CTNNA3: variants seen among roughly 807,000 people sequenced by gnomAD.
CTNNA3 encodes catenin alpha 3, also known as catenin alpha-3.
A neutral mutation model predicts 95.7 loss-of-function variants in CTNNA3; 76 were observed. That is an observed-to-expected ratio of 0.79 (90% CI 0.66 to 0.96). CTNNA3 has a LOEUF of 0.96. Among genes scored for constraint, CTNNA3 ranks in the 40% least tolerant of loss-of-function variants. CTNNA3 has a pLI of 0.00. For synonymous variants in CTNNA3, 431 were observed against 374.4 expected, an observed-to-expected ratio of 1.15 and a Z score of -1.74; for missense variants, 1,191 against 1,089.8, an observed-to-expected ratio of 1.09 and a Z score of -1.31.
chr10:66,644,749 T>C (rs1459083741), intron 9 of CTNNA3, among the ~76,000 whole-genome samples: 2 of 152,044 alleles, frequency 1.3e-5, no homozygotes, highest in African/African-American at 4.8e-5. Flanking sequence ...TATTAATTTT[T>C]CTTAGTGTGG....
At chr10:67,183,526 C>A (rs989487226) in intron 6 of CTNNA3, among the ~76,000 whole-genome samples, 1 of 151,042 alleles carries the variant, frequency 6.6e-6, no homozygotes, top group African/African-American at 2.4e-5. Flanking sequence ...ACATCACACA[C>A]TGGGGCCTGT....
intron 7 of CTNNA3, among the ~76,000 whole-genome samples, chr10:67,027,305 A>G (rs1853447849): frequency 6.6e-6 from 1 of 152,172 alleles, no homozygotes; most frequent in African/African-American, 2.4e-5. Flanking sequence ...AACTCACTGA[A>G]AGTTTTACAT....
intron 11 of CTNNA3, among the ~76,000 whole-genome samples, chr10:66,488,686 A>C (rs1259232631): frequency 2.6e-5 from 4 of 152,196 alleles, no homozygotes; most frequent in African/African-American, 4.8e-5. Flanking sequence ...TAGGCATCAT[A>C]ATAATAAAAA....
At chr10:66,862,314 T>A (rs981883070) in intron 7 of CTNNA3, among the ~76,000 whole-genome samples, 1 of 152,200 alleles carries the variant, frequency 6.6e-6, no homozygotes, top group Admixed American at 6.5e-5. Flanking sequence ...GTGATAAAAT[T>A]GGCTTTCATT....
intron 7 of CTNNA3, among the ~76,000 whole-genome samples, chr10:67,169,152 G>C (rs766602839): frequency 2.6e-4 from 40 of 152,064 alleles, no homozygotes; most frequent in Non-Finnish European, 5.4e-4. Context: ...GCAAACAAAT[G>C]GAAAAACATC....
intron 7 of CTNNA3, among the ~76,000 whole-genome samples, chr10:67,047,001 G>A (rs1854795582): frequency 6.6e-6 from 1 of 152,306 alleles, no homozygotes; most frequent in South Asian, 2.1e-4. Context: ...ATAGTCTAAT[G>A]TTTGCAATAT....
chr10:66,157,558 C>T (rs140589932), intron 13 of CTNNA3, among the ~76,000 whole-genome samples: 1,638 of 151,874 alleles, frequency 0.011, 11 homozygotes, highest in Middle Eastern at 0.048. Flanking sequence ...CTTTCTTTAT[C>T]CATTCATTGA....
intron 7 of CTNNA3, among the ~76,000 whole-genome samples, chr10:67,038,767 A>G (rs531849783): frequency 2.0e-4 from 30 of 152,208 alleles, no homozygotes; most frequent in Middle Eastern, 3.4e-3. Flanking sequence ...TCAATATGAG[A>G]TATTTTTTAA....
At chr10:65,995,542 A>G (rs1395585176) in intron 15 of CTNNA3, among the ~76,000 whole-genome samples, 1 of 152,158 alleles carries the variant, frequency 6.6e-6, no homozygotes, top group East Asian at 1.9e-4. Flanking sequence ...GTGGTGGGCC[A>G]AGCATGCCTG....
intron 1 of CTNNA3, among the ~76,000 whole-genome samples, chr10:67,670,831 A>T (rs150670442): frequency 3.9e-4 from 59 of 152,328 alleles, no homozygotes; most frequent in Non-Finnish European, 5.1e-4. Context: ...AAACTTCCGT[A>T]ACTTTTTTTA....
At chr10:66,369,864 C>T (rs1215153422) in intron 12 of CTNNA3, among the ~76,000 whole-genome samples, 2 of 152,098 alleles carry the variant, frequency 1.3e-5, no homozygotes, top group Non-Finnish European at 2.9e-5. Flanking sequence ...ACTAAACTTG[C>T]TCGTCTTGAA....
At chr10:66,103,870 T>TTATA (rs2081763143) in intron 13 of CTNNA3, among the ~76,000 whole-genome samples, 3 of 152,166 alleles carry the variant, frequency 2.0e-5, no homozygotes, top group African/African-American at 7.2e-5. Flanking sequence ...ATGGTGAGTT[T>TTATA]TATGGTATAT....
intron 7 of CTNNA3, among the ~76,000 whole-genome samples, chr10:66,819,550 GA>G (rs948639204): frequency 6.6e-6 from 1 of 151,544 alleles, no homozygotes; most frequent in South Asian, 2.1e-4. Context: ...TCAAGAAATT[GA>G]AAAAAACACA....
intron 9 of CTNNA3, among the ~76,000 whole-genome samples, chr10:66,704,985 T>G (rs1181231973): frequency 6.6e-6 from 1 of 152,162 alleles, no homozygotes; most frequent in Admixed American, 6.6e-5. Flanking sequence ...GTCTTATTCT[T>G]GATCTTAAAG....
intron 1 of CTNNA3, among the ~76,000 whole-genome samples, chr10:67,758,442 C>A (rs1841445995): frequency 6.6e-6 from 1 of 151,198 alleles, no homozygotes; most frequent in Non-Finnish European, 1.5e-5. Context: ...TAATAGCCCC[C>A]CAAAAAATAA....
intron 7 of CTNNA3, among the ~76,000 whole-genome samples, chr10:67,150,169 C>T (rs796201848): frequency 3.3e-5 from 5 of 152,164 alleles, no homozygotes; most frequent in African/African-American, 1.2e-4. Flanking sequence ...AATTATTAAA[C>T]TTGGAATATC....
At chr10:67,023,481 C>A (rs1020026505) in intron 7 of CTNNA3, among the ~76,000 whole-genome samples, 2 of 152,096 alleles carry the variant, frequency 1.3e-5, no homozygotes, top group Non-Finnish European at 2.9e-5. Flanking sequence ...AAAATCTACC[C>A]CTAGAGCTGA....
At chr10:66,579,233 T>C (rs926495340) in intron 10 of CTNNA3, among the ~76,000 whole-genome samples, 5 of 151,882 alleles carry the variant, frequency 3.3e-5, no homozygotes, top group African/African-American at 7.2e-5. Context: ...CTTTTATTAA[T>C]CTAGTTATTA....
At chr10:67,335,149 C>G (rs1393881333) in intron 5 of CTNNA3, among the ~76,000 whole-genome samples, 1 of 152,050 alleles carries the variant, frequency 6.6e-6, no homozygotes, top group Non-Finnish European at 1.5e-5. Flanking sequence ...CGTGGGACAC[C>G]AGTTTCCTCC....
Sources: allele counts gnomAD v4.1 joint callset (sites outside exome capture counted in the v4.1 genomes callset), GRCh38; gene constraint gnomAD v4.1.1; transcripts MANE v1.5; gene names NCBI Gene and HGNC (gene_info 2026-07-23, HGNC 2026-07-21).